Variants in CLSTN2 observed in about 807,000 individuals in gnomAD.
CLSTN2 encodes the protein calsyntenin-2.
CLSTN2 carries 48 observed loss-of-function variants against 101.2 expected under a neutral mutation model. The observed-to-expected ratio is 0.47, with a 90% CI of 0.38 to 0.60. The LOEUF (loss-of-function observed/expected upper bound fraction) is 0.60, where lower values mean the gene tolerates loss of function less well. Ranked by LOEUF, CLSTN2 falls within the 20% of genes least tolerant of loss-of-function variation. CLSTN2 has a pLI of 0.00. For synonymous variants in CLSTN2, 481 were observed against 463.6 expected (o/e 1.04, Z -0.48); for missense variants, 1,160 against 1,238.2 (o/e 0.94, Z 0.95).
At chr3:139,988,749 G>A (rs1936070031) in intron 1 of CLSTN2, among the ~76,000 whole-genome samples, 1 of 152,156 alleles carries the variant, frequency 6.6e-6, no homozygotes, top group African/African-American at 2.4e-5. Flanking sequence ...GAGCTTGGTA[G>A]GACTTGAGTA....
intron 2 of CLSTN2, among the ~76,000 whole-genome samples, chr3:140,214,145 TA>T (rs530627182): frequency 1.3e-4 from 19 of 148,432 alleles, no homozygotes; most frequent in Admixed American, 2.0e-4. Context: ...TCCTTATCTA[TA>T]AAAAAAAAAT....
chr3:140,251,453 T>G (rs1426246127), intron 2 of CLSTN2, among the ~76,000 whole-genome samples: 6 of 152,184 alleles, frequency 3.9e-5, no homozygotes, highest in Admixed American at 3.9e-4. Flanking sequence ...TTTTCTTGAA[T>G]CTTTGGCAGA....
chr3:140,151,701 A>G (rs2009869251), intron 1 of CLSTN2, among the ~76,000 whole-genome samples: 1 of 152,114 alleles, frequency 6.6e-6, no homozygotes, highest in African/African-American at 2.4e-5. Flanking sequence ...ATTTATGTCT[A>G]TAAATGACTT....
chr3:140,466,531 T>C (rs1933707330), intron 7 of CLSTN2, 79 bp from the exon 8 acceptor site: 2 of 1,575,822 alleles, frequency 1.3e-6, no homozygotes, highest in East Asian at 4.5e-5. Flanking sequence ...CTGTGCTAAG[T>C]GAGTGAGCAG....
intron 2 of CLSTN2, among the ~76,000 whole-genome samples, chr3:140,265,061 C>A (rs1559823244): frequency 6.6e-6 from 1 of 152,102 alleles, no homozygotes; most frequent in South Asian, 2.1e-4. Flanking sequence ...ATTTAATCTG[C>A]AAAATGACCC....
At chr3:139,963,896 T>C (rs1372317226) in intron 1 of CLSTN2, among the ~76,000 whole-genome samples, 1 of 152,204 alleles carries the variant, frequency 6.6e-6, no homozygotes, top group Non-Finnish European at 1.5e-5. Context: ...GCATAGCCTA[T>C]GCTGTAGTGA....
In CLSTN2 at chr3:140,455,903, G is replaced by A. The variant is rs560049477; in HGVS notation, c.974-3618G>A. ...ATGGTTTCTGGCAGGCAACATCTGC[G>A]GGTTAGAGAAAGTGGCCTGCCGCTC... On this transcript the variant is annotated intron_variant, in intron 6 of 16. Coordinates refer to ENST00000458420, the MANE Select transcript of CLSTN2 (RefSeq NM_022131.3). Among the ~76,000 whole-genome samples, 8 of 152,314 alleles carry A rather than the reference G, an allele frequency of 5.3e-5. No individual in the cohort carries two copies. The South Asian group carries it at 6.2e-4, about 12-fold the overall frequency.
At chr3:140,013,153 C>T (rs2007123920) in intron 1 of CLSTN2, among the ~76,000 whole-genome samples, 1 of 152,178 alleles carries the variant, frequency 6.6e-6, no homozygotes, top group South Asian at 2.1e-4. Context: ...GGTCACAGAA[C>T]CAGTAGGAAA....
chr3:140,431,776 C>G (rs2088630553), intron 5 of CLSTN2, among the ~76,000 whole-genome samples: 1 of 152,142 alleles, frequency 6.6e-6, no homozygotes, highest in Admixed American at 6.5e-5. Context: ...AGGGCTGAAC[C>G]CAACCCTTAG....
chr3:140,109,521 A>G (rs2009117943), intron 1 of CLSTN2, among the ~76,000 whole-genome samples: 1 of 152,210 alleles, frequency 6.6e-6, no homozygotes, highest in Non-Finnish European at 1.5e-5. Context: ...GAGGCCAGGA[A>G]TGGATACAGT....
At chr3:140,178,143 C>T (rs2010351847) in intron 2 of CLSTN2, among the ~76,000 whole-genome samples, 1 of 152,106 alleles carries the variant, frequency 6.6e-6, no homozygotes, top group African/African-American at 2.4e-5. Context: ...CCTTTAATGT[C>T]CTGTTCTCAT....
At chr3:140,477,406 AC>A (rs1934010756) in intron 8 of CLSTN2, among the ~76,000 whole-genome samples, 1 of 152,188 alleles carries the variant, frequency 6.6e-6, no homozygotes, top group African/African-American at 2.4e-5. Flanking sequence ...CCAAAGACAA[AC>A]AAGCCTTGTA....
chr3:140,481,502 G>A (rs1295703203), intron 8 of CLSTN2, among the ~76,000 whole-genome samples: 1 of 152,174 alleles, frequency 6.6e-6, no homozygotes, highest in Non-Finnish European at 1.5e-5. Flanking sequence ...TTGGTAGCTT[G>A]ATGGGGATGG....
chr3:139,952,926 A>G (rs1935317898), intron 1 of CLSTN2, among the ~76,000 whole-genome samples: 2 of 152,096 alleles, frequency 1.3e-5, no homozygotes, highest in South Asian at 4.1e-4. Flanking sequence ...TCCCTTCACC[A>G]AGGGTGGTCA....
intron 2 of CLSTN2, among the ~76,000 whole-genome samples, chr3:140,323,181 G>GCTTCCCA: frequency 6.6e-6 from 1 of 152,116 alleles, no homozygotes; most frequent in African/African-American, 2.4e-5. Flanking sequence ...CCCAGCAGTG[G>GCTTCCCA]GTTCCCACAG....
chr3:140,324,512 T>C (rs2087313577), intron 2 of CLSTN2, among the ~76,000 whole-genome samples: 1 of 152,206 alleles, frequency 6.6e-6, no homozygotes, highest in Admixed American at 6.5e-5. Context: ...TATCAGAAAG[T>C]AGACCAAAAT....
Position 140,558,620 on chromosome 3 carries a change from G to A in CLSTN2, c.1824-20G>A. The A allele has an allele frequency of 1.9e-6, 3 of 1,602,278 alleles. No individual in the cohort carries two copies. Among genetic ancestry groups the A allele is most frequent in the South Asian group, 1.1e-5 (1 of 90,464 alleles). ...TTAATTGTTTGCTCATCAGTGCCAT[G>A]ACCGAGAATGTTTTCCCAGGTGCTT... is the stretch of plus-strand genomic sequence containing the variant. On this transcript the variant is annotated intron_variant, in intron 11 of 16. Coordinates refer to ENST00000458420, the MANE Select transcript of CLSTN2 (RefSeq NM_022131.3).
At chr3:140,431,091 A>G (rs995052341) in intron 5 of CLSTN2, among the ~76,000 whole-genome samples, 1 of 152,220 alleles carries the variant, frequency 6.6e-6, no homozygotes, top group Non-Finnish European at 1.5e-5. Flanking sequence ...TATCTATAAG[A>G]TGGTGATGAG....
chr3:139,995,078 A>G (rs1936179974), intron 1 of CLSTN2, among the ~76,000 whole-genome samples: 1 of 151,926 alleles, frequency 6.6e-6, no homozygotes, highest in African/African-American at 2.4e-5. Flanking sequence ...AGCTCTGGGG[A>G]CAATTGGATC....
Sources: allele counts gnomAD v4.1 joint callset (sites outside exome capture counted in the v4.1 genomes callset), GRCh38; gene constraint gnomAD v4.1.1; transcripts MANE v1.5; gene names NCBI Gene and HGNC (gene_info 2026-07-23, HGNC 2026-07-21).